The following EPB41L1 variants were observed in gnomAD, a reference collection of about 807,000 sequenced individuals.
EPB41L1 encodes the protein band 4.1-like protein 1.
A neutral mutation model predicts 97.8 loss-of-function variants in EPB41L1; 29 were observed. That is an observed-to-expected ratio of 0.30 (90% CI 0.22 to 0.40). EPB41L1 has a LOEUF of 0.40. EPB41L1 is among the 10% of genes least tolerant of loss of function. EPB41L1 has a pLI of 1.00. For missense variants in EPB41L1, 812 were observed against 1,162.3 expected (o/e 0.70, Z 4.38); for synonymous variants, 383 against 459.2 (o/e 0.83, Z 2.12).
In EPB41L1 at chr20:36,194,285, T is replaced by C; in HGVS notation, c.1374T>C (p.Asp458=). ...AGPDGDKRDE[D]GESGGQRSEA... Reference sequence around the variant, plus strand: ...CTGACGGTGACAAGCGGGATGAGGATGGCGAGTCTGGGGGGCAACGGTCAG... The same window carrying C: ...CTGACGGTGACAAGCGGGATGAGGACGGCGAGTCTGGGGGGCAACGGTCAG... The change falls in exon 12 of 22, where the codon GAT becomes GAC. Residue 458 remains aspartate (D), a synonymous_variant. Transcript: ENST00000338074. 1 of 1,614,124 alleles carries C rather than the reference T, an allele frequency of 6.2e-7. No individual in the cohort carries two copies. Among genetic ancestry groups the C allele is most frequent in the Non-Finnish European group, 8.5e-7 (1 of 1,180,006 alleles).
At chr20:36,202,849 AC>A (rs1384715047) in intron 14 of EPB41L1, among the ~76,000 whole-genome samples, 1 of 149,950 alleles carries the variant, frequency 6.7e-6, no homozygotes. Flanking sequence ...CCAAAATGTG[AC>A]CCAGAGCTCC....
intron 1 of EPB41L1, among the ~76,000 whole-genome samples, chr20:36,099,440 T>C (rs2057938654): frequency 6.6e-6 from 1 of 152,198 alleles, no homozygotes; most frequent in African/African-American, 2.4e-5. Flanking sequence ...TCCCAGGAGA[T>C]AATGAGAAAG....
intron 1 of EPB41L1, among the ~76,000 whole-genome samples, chr20:36,161,348 A>G (rs561422054): frequency 4.2e-4 from 64 of 152,306 alleles, no homozygotes; most frequent in Middle Eastern, 3.4e-3. Flanking sequence ...GATCAGAGCC[A>G]TTGCTGCCAC....
rs2062173218 is a variant in EPB41L1 at position 36,195,843 on chromosome 20, A to G, written c.1485+479A>G. Among the ~76,000 whole-genome samples the G allele has an allele frequency of 6.6e-6, 1 of 151,946 alleles. No individual in the cohort carries two copies. Among genetic ancestry groups the G allele is most frequent in the Admixed American group, 6.6e-5 (1 of 15,260 alleles). On this transcript the variant is annotated intron_variant, in intron 13 of 21. Transcript: ENST00000338074. This position sits in a 1 kb window ranked among gnomAD's most constrained non-coding sequence, Gnocchi z 4.6. Reference sequence around the variant, plus strand: ...CTAGCTTCTTTTTGTATCTATTGGCAGTCAGATGTGGGAGTGGGGATTGGG... The same window carrying G: ...CTAGCTTCTTTTTGTATCTATTGGCGGTCAGATGTGGGAGTGGGGATTGGG...
At chr20:36,213,330 C>T (rs975909203) in intron 16 of EPB41L1, among the ~76,000 whole-genome samples, 1 of 151,978 alleles carries the variant, frequency 6.6e-6, no homozygotes, top group Non-Finnish European at 1.5e-5. Flanking sequence ...CCCAGGAGGT[C>T]GAAGCTGCAG....
intron 2 of EPB41L1, among the ~76,000 whole-genome samples, chr20:36,118,753 G>A (rs572868213): frequency 6.6e-6 from 1 of 152,248 alleles, no homozygotes; most frequent in South Asian, 2.1e-4. Flanking sequence ...TTGAATGAAT[G>A]CATTAATGAA....
At position 36,207,832 on chromosome 20, in the gene EPB41L1, G is replaced by A. The variant is rs1278598818; in HGVS notation, c.1669-1656G>A. The A allele has an allele frequency of 1.6e-6, 2 of 1,254,232 alleles. No homozygotes were observed. The highest frequency in any genetic ancestry group is 3.1e-5 in the African/African-American group (2 of 64,886). 77.7% of individuals were successfully genotyped at this position (1,254,232 alleles called of 1,614,324 possible). A position where few individuals can be genotyped will look rare whatever the true frequency, so the allele number is the denominator to read the frequency against. ...CCACCGCTGCTCCCCGCCCATGGGGGCTGGCCGCATGCTCTGTAGTTTTTA... is the reference window on the plus strand; with the variant it reads ...CCACCGCTGCTCCCCGCCCATGGGGACTGGCCGCATGCTCTGTAGTTTTTA... On this transcript the variant is annotated intron_variant, in intron 14 of 21. Coordinates refer to ENST00000338074, the MANE Select transcript of EPB41L1 (RefSeq NM_012156.2). This position sits in a 1 kb window ranked among gnomAD's most constrained non-coding sequence, Gnocchi z 4.9.
rs2062993081 is a variant in EPB41L1, at chr20:36,209,268, C to T, written c.1669-220C>T. On this transcript the variant is annotated intron_variant, in intron 14 of 21. Coordinates refer to ENST00000338074, the MANE Select transcript of EPB41L1 (RefSeq NM_012156.2). The surrounding 1 kb of genome is among the most constrained non-coding windows in gnomAD (Gnocchi z 4.2). The stretch of plus-strand genomic sequence containing the variant: ...GCTTTTGCCATCAGTGTGAGACCCT[C>T]AGAAAGGGGCATCTCCACTCTTGAG... 6.6e-6 allele frequency among the ~76,000 whole-genome samples: 1 copy of T among 152,164 alleles called. No homozygotes were observed. Among genetic ancestry groups the T allele is most frequent in the Admixed American group, 6.5e-5 (1 of 15,286 alleles).
At chr20:36,108,347 A>T (rs565978723) in intron 1 of EPB41L1, among the ~76,000 whole-genome samples, 1 of 152,110 alleles carries the variant, frequency 6.6e-6, no homozygotes, top group East Asian at 1.9e-4. Context: ...TATTATGAAA[A>T]TTAATTTCCC....
At chr20:36,114,078 G>C (rs1271135452) in intron 2 of EPB41L1, among the ~76,000 whole-genome samples, 15 of 152,190 alleles carry the variant, frequency 9.9e-5, no homozygotes, top group Admixed American at 7.2e-4. Context: ...CCACATTCAA[G>C]TTCTTGCTCT....
intron 1 of EPB41L1, among the ~76,000 whole-genome samples, chr20:36,111,402 C>T (rs145779160): frequency 6.6e-6 from 1 of 152,284 alleles, no homozygotes; most frequent in Non-Finnish European, 1.5e-5. Flanking sequence ...CATACTAAGC[C>T]TGACCTGTGG....
At chr20:36,161,047 C>T (rs1449966225) in intron 1 of EPB41L1, among the ~76,000 whole-genome samples, 1 of 152,194 alleles carries the variant, frequency 6.6e-6, no homozygotes, top group Non-Finnish European at 1.5e-5. Flanking sequence ...GTGAGAGTTG[C>T]CCTCAAAGGT....
In EPB41L1 at chr20:36,123,173, C is replaced by T. The variant is rs1418548089; in HGVS notation, c.-10+10693C>T. 3.3e-5 allele frequency among the ~76,000 whole-genome samples: 5 copies of T among 151,730 alleles called. No homozygotes were observed. The East Asian group carries it at 5.8e-4, about 18-fold the overall frequency. On this transcript the variant is annotated intron_variant, in intron 2 of 19. Coordinates refer to the EPB41L1 transcript ENST00000202028. ...CAGGCTTTCTGAACGTCTCCATGAT[C>T]GGGGGGGAGGGGCAGAGGTAGAGAA...
rs536890639 is a variant in EPB41L1, at chr20:36,190,032, C to T, written c.1027-245C>T. Among the ~76,000 whole-genome samples the T allele has an allele frequency of 6.6e-6, 1 of 152,130 alleles. No individual in the cohort carries two copies. The highest frequency in any genetic ancestry group is 2.4e-5 in the African/African-American group (1 of 41,476). On this transcript the variant is annotated intron_variant, in intron 9 of 21. Transcript: ENST00000338074. This position sits in a 1 kb window ranked among gnomAD's most constrained non-coding sequence, Gnocchi z 5.8. ...AGACTCATTCTCTACAAAAAATTAG[C>T]TGGTGTGGTGTCGTCTGACTGTAGT...
At chr20:36,222,158 A>C in intron 20 of EPB41L1, 120 bp from the exon 21 acceptor site, 1 of 1,038,276 alleles carries the variant, frequency 9.6e-7, no homozygotes, top group South Asian at 1.3e-5. Flanking sequence ...TAGTTGTTTG[A>C]CTTTGCCCCT....
intron 2 of EPB41L1, among the ~76,000 whole-genome samples, chr20:36,143,550 A>G (rs1335134302): frequency 6.6e-6 from 1 of 152,150 alleles, no homozygotes; most frequent in Non-Finnish European, 1.5e-5. Context: ...AATACAAAAT[A>G]CACACATATA....
chr20:36,131,282 G>A (rs1382056997), intron 2 of EPB41L1, among the ~76,000 whole-genome samples: 1 of 151,960 alleles, frequency 6.6e-6, no homozygotes, highest in African/African-American at 2.4e-5. Context: ...GCTAATTTTT[G>A]TATTTTTAGT....
At position 36,103,517 on chromosome 20, in the gene EPB41L1, C is replaced by T. The variant is rs183820741; in HGVS notation, c.-64-8909C>T. The stretch of plus-strand genomic sequence containing the variant: ...CCTTGAGCAGATCACTTCCTCTCTC[C>T]GAGCCTTAATTTTCTCAGTTTAAAA... On this transcript the variant is annotated intron_variant, in intron 1 of 19. Transcript: ENST00000202028. 5.4e-3 allele frequency among the ~76,000 whole-genome samples: 822 copies of T among 152,174 alleles called. 2 individuals carry two copies. Among genetic ancestry groups the T allele is most frequent in the Middle Eastern group, 0.01 (3 of 294 alleles).
chr20:36,194,224 G>A lies in EPB41L1; in HGVS notation c.1313G>A (p.Arg438His), dbSNP rs573631309. 2.3e-5 allele frequency: 37 copies of A among 1,613,810 alleles called. No individual in the cohort carries two copies. Among genetic ancestry groups the A allele is most frequent in the East Asian group, 4.5e-5 (2 of 44,880 alleles). Residue 438 changes from arginine to histidine, a missense_variant, in exon 12 of 22, where the codon CGC (arginine) becomes CAC (histidine). Arg to His is a conservative substitution (Grantham distance 29). This residue lies in a region of EPB41L1 where 498 missense variants were observed against 622.7 expected (regional missense o/e 0.80). Transcript: ENST00000338074. ...SRSLDGAEFS[R>H]PASVSENHDA... is the part of the protein sequence containing the mutation. ...CCACCCACTTCAGCAGAGTTCTCCC[G>A]CCCAGCCTCGGTCAGCGAGAACCAT...
Sources: gnomAD v4.1 joint callset for allele counts (sites outside exome capture counted in the v4.1 genomes callset) on GRCh38, gnomAD v4.1.1 for gene constraint, gnomAD v4.1.1 regional missense constraint, Gnocchi (gnomAD v3.1) non-coding constraint, MANE v1.5 for transcripts, NCBI Gene and HGNC (gene_info 2026-07-23, HGNC 2026-07-21) for gene names.